The following PARD3B variants were observed in gnomAD, a reference collection of about 807,000 sequenced individuals.
PARD3B encodes par-3 family cell polarity regulator beta, also known as partitioning defective 3 homolog B.
A neutral mutation model predicts 130.2 loss-of-function variants in PARD3B; 103 were observed. The ratio of observed to expected loss-of-function variants is 0.79; its 90% CI spans 0.67 to 0.93. The LOEUF (loss-of-function observed/expected upper bound fraction) is 0.93. PARD3B is among the 40% of genes least tolerant of loss of function. The probability of loss-of-function intolerance (pLI) is 0.00; values close to 1 mark genes in which losing one functional copy is unlikely to be tolerated. For missense variants in PARD3B, 1,609 were observed against 1,499.2 expected, an observed-to-expected ratio of 1.07 and a Z score of -1.21; for synonymous variants, 583 against 553.2, an observed-to-expected ratio of 1.05 and a Z score of -0.76.
intron 22 of PARD3B, among the ~76,000 whole-genome samples, chr2:205,565,015 G>A (rs774111770): frequency 2.8e-4 from 42 of 152,224 alleles, no homozygotes; most frequent in Admixed American, 2.6e-4. Context: ...ATTCTCACGC[G>A]CCATTCTCCA....
intron 1 of PARD3B, among the ~76,000 whole-genome samples, chr2:204,553,651 CATATATATATATATATATATATAT>C (rs55744172): frequency 0.025 from 2,073 of 83,434 alleles, 73 homozygotes; most frequent in South Asian, 0.17. Flanking sequence ...TATATATATC[CATATATATATATATATATATATAT>C]ATATATATAT....
intron 7 of PARD3B, among the ~76,000 whole-genome samples, chr2:205,120,627 G>A (rs767275252): frequency 1.3e-5 from 2 of 152,192 alleles, no homozygotes; most frequent in Non-Finnish European, 1.5e-5. Context: ...CTGCACAGCC[G>A]CCAGTGGGTC....
intron 7 of PARD3B, 104 bp downstream of exon 7, chr2:205,119,150 G>C (rs2030320160): frequency 1.4e-6 from 2 of 1,398,530 alleles, no homozygotes; most frequent in South Asian, 3.2e-5. Context: ...TTTCTAGTCA[G>C]TTCCCTTTGA....
intron 21 of PARD3B, among the ~76,000 whole-genome samples, chr2:205,532,330 G>T (rs753636209): frequency 3.3e-5 from 5 of 151,862 alleles, no homozygotes; most frequent in East Asian, 1.9e-4. Context: ...CATCATTTTT[G>T]AACACAGGTG....
At position 205,268,466 on chromosome 2, in the gene PARD3B, C is replaced by T. The variant is rs1441815851; in HGVS notation, c.2185+22644C>T. Among the ~76,000 whole-genome samples the T allele has an allele frequency of 1.3e-5, 2 of 152,070 alleles. No homozygotes were observed. The highest frequency in any genetic ancestry group is 2.4e-5 in the African/African-American group (1 of 41,410). ...AGTATTGATTCACATTACTGGTCAG[C>T]CCTCTTAAGATTCTATGCTTCTCTG... On this transcript the variant is annotated intron_variant, in intron 16 of 22. Coordinates refer to ENST00000406610, the MANE Select transcript of PARD3B (RefSeq NM_001302769.2). The surrounding 1 kb of genome is among the most constrained non-coding windows in gnomAD (Gnocchi z 4.1).
Position 205,301,781 on chromosome 2 carries a change from A to G in PARD3B, c.2630+80A>G. On this transcript the variant is annotated intron_variant, in intron 18 of 22. Transcript: ENST00000406610. This position sits in a 1 kb window ranked among gnomAD's most constrained non-coding sequence, Gnocchi z 5.2. ...ATCACTCCTTTGTCTGTACTCAGAA[A>G]AAAGCGCACGCTTTTCCTCGTCTTC... 5 of 1,609,050 alleles carry G rather than the reference A, an allele frequency of 3.1e-6. No individual in the cohort carries two copies. Among genetic ancestry groups the G allele is most frequent in the Non-Finnish European group, 4.3e-6 (5 of 1,175,426 alleles).
intron 20 of PARD3B, among the ~76,000 whole-genome samples, chr2:205,495,408 C>T (rs2049887924): frequency 6.6e-6 from 1 of 152,084 alleles, no homozygotes; most frequent in Non-Finnish European, 1.5e-5. Context: ...TAAGGATGGC[C>T]AGGGCTTTAC....
At chr2:205,008,180 A>G (rs747151042) in intron 3 of PARD3B, among the ~76,000 whole-genome samples, 13 of 152,162 alleles carry the variant, frequency 8.5e-5, no homozygotes, top group Non-Finnish European at 1.5e-4. Flanking sequence ...ATAGTGTGTC[A>G]GGAAAAAATT....
At chr2:204,862,342 G>A (rs192374377) in intron 2 of PARD3B, among the ~76,000 whole-genome samples, 26 of 152,286 alleles carry the variant, frequency 1.7e-4, no homozygotes, top group Admixed American at 1.6e-3. Context: ...TGGAAAATAA[G>A]GGAGTGGCTT....
intron 10 of PARD3B, among the ~76,000 whole-genome samples, chr2:205,155,838 G>A (rs796645568): frequency 2.0e-5 from 3 of 152,088 alleles, no homozygotes; most frequent in East Asian, 1.9e-4. Flanking sequence ...GGCTGCATAA[G>A]TGTCTTCCTT....
intron 4 of PARD3B, among the ~76,000 whole-genome samples, chr2:205,085,591 G>T (rs1159652639): frequency 1.3e-5 from 2 of 151,776 alleles, no homozygotes; most frequent in Non-Finnish European, 2.9e-5. Context: ...AACAAGAAAT[G>T]TATACATTAT....
intron 22 of PARD3B, among the ~76,000 whole-genome samples, chr2:205,578,352 T>C (rs1304402441): frequency 1.3e-5 from 2 of 152,212 alleles, no homozygotes; most frequent in Non-Finnish European, 2.9e-5. Flanking sequence ...ACCATGACCA[T>C]GCACATTTAA....
rs1695835415 is a variant in PARD3B at position 205,012,898 on chromosome 2, G to A, written c.395-34683G>A. Among the ~76,000 whole-genome samples the A allele has an allele frequency of 2.6e-5, 4 of 152,198 alleles. No individual in the cohort carries two copies. The South Asian group carries it at 8.3e-4, about 31-fold the overall frequency. The stretch of plus-strand genomic sequence containing the variant: ...CGAGATCTCAGACACATGAGAAACT[G>A]TCCTGAACTCCCAAATGAAAGCACT... On this transcript the variant is annotated intron_variant, in intron 3 of 22. Coordinates refer to ENST00000406610, the MANE Select transcript of PARD3B (RefSeq NM_001302769.2).
chr2:204,965,597 ATATGAG>A (rs903952714), intron 3 of PARD3B, among the ~76,000 whole-genome samples: 54 of 152,284 alleles, frequency 3.5e-4, no homozygotes, highest in African/African-American at 1.2e-3. Context: ...TGCCTGTATC[ATATGAG>A]TATAACTTTT....
rs1161657167 is a variant in PARD3B, at chr2:205,407,509, T to C, written c.2741+6386T>C. The stretch of plus-strand genomic sequence containing the variant: ...GCAAGAGATTGTCTTAATATGTCAG[T>C]AAGTATATATTGTTGTTATTCAATT... On this transcript the variant is annotated intron_variant, in intron 19 of 22. Transcript: ENST00000406610. This position sits in a 1 kb window ranked among gnomAD's most constrained non-coding sequence, Gnocchi z 4.1. Among the ~76,000 whole-genome samples, 1 of 152,198 alleles carries C rather than the reference T, an allele frequency of 6.6e-6. No individual in the cohort carries two copies. The highest frequency in any genetic ancestry group is 2.4e-5 in the African/African-American group (1 of 41,458).
intron 2 of PARD3B, among the ~76,000 whole-genome samples, chr2:204,871,158 T>C (rs1185540315): frequency 6.6e-6 from 1 of 152,162 alleles, no homozygotes; most frequent in Non-Finnish European, 1.5e-5. Flanking sequence ...TTCCTAGCTG[T>C]ATTCACATTA....
At position 204,951,203 on chromosome 2, in the gene PARD3B, A is replaced by C. The variant is rs1689736567; in HGVS notation, c.223-13949A>C. The stretch of plus-strand genomic sequence containing the variant: ...CTACTGTCATCATCTTGAAGTCCTT[A>C]ACATTTTTAGAACAAGGTCTAGACA... On this transcript the variant is annotated intron_variant, in intron 2 of 22. Transcript: ENST00000406610. Among the ~76,000 whole-genome samples the C allele has an allele frequency of 5.3e-5, 8 of 152,214 alleles. No homozygotes were observed. The South Asian group carries it at 1.7e-3, about 31-fold the overall frequency.
At chr2:205,270,136 CAAAGTT>C (rs1323564898) in intron 16 of PARD3B, among the ~76,000 whole-genome samples, 1 of 152,008 alleles carries the variant, frequency 6.6e-6, no homozygotes, top group African/African-American at 2.4e-5. Flanking sequence ...ACTATGTACT[CAAAGTT>C]AAAAATTTTA....
intron 10 of PARD3B, among the ~76,000 whole-genome samples, chr2:205,148,238 C>T (rs1210090285): frequency 2.0e-5 from 3 of 151,958 alleles, no homozygotes; most frequent in Non-Finnish European, 2.9e-5. Context: ...TGTAAATCAC[C>T]AAGATTACAT....
Sources: allele counts gnomAD v4.1 joint callset (sites outside exome capture counted in the v4.1 genomes callset), GRCh38; gene constraint gnomAD v4.1.1; non-coding constraint Gnocchi (gnomAD v3.1); transcripts MANE v1.5; gene names NCBI Gene and HGNC (gene_info 2026-07-23, HGNC 2026-07-21).